The following IQCE variants were observed in gnomAD, a reference collection of about 807,000 sequenced individuals.
IQCE encodes the protein IQ domain-containing protein E.
IQCE carries 115 observed loss-of-function variants against 96.0 expected under a neutral mutation model. That is an observed-to-expected ratio of 1.20 (90% CI 1.03 to 1.40). The LOEUF is 1.40. IQCE is among the 40% of genes most tolerant of loss of function. The probability of loss-of-function intolerance (pLI) is 0.00; values close to 1 mark genes in which losing one functional copy is unlikely to be tolerated. For missense variants in IQCE, 1,041 were observed against 909.1 expected, an observed-to-expected ratio of 1.15 and a Z score of -1.87; for synonymous variants, 412 against 371.2, an observed-to-expected ratio of 1.11 and a Z score of -1.26.
Position 2,567,179 on chromosome 7 carries a change from T to C in IQCE, c.84+16T>C, listed in dbSNP as rs2128431495. 6.2e-7 allele frequency: 1 copy of C among 1,611,396 alleles called. No individual in the cohort carries two copies. Among genetic ancestry groups the C allele is most frequent in the Non-Finnish European group, 8.5e-7 (1 of 1,178,184 alleles). On this transcript the variant is annotated intron_variant, in intron 2 of 21. Coordinates refer to ENST00000402050, the MANE Select transcript of IQCE (RefSeq NM_152558.5). ...TGTGGAGACGGTGAGTGCCGCTGGG[T>C]GTCAGCCGTGCGACCTCGGGCTGGT... is the stretch of plus-strand genomic sequence containing the variant.
At chr7:2,561,251 C>T (rs1311783497) in intron 1 of IQCE, among the ~76,000 whole-genome samples, 1 of 151,474 alleles carries the variant, frequency 6.6e-6, no homozygotes, top group Admixed American at 6.6e-5. Flanking sequence ...AGCCATTGCT[C>T]CCAGCCCTAT....
At chr7:2,607,601 C>T (rs755979568) in intron 21 of IQCE, 52 of 1,157,916 alleles carry the variant, frequency 4.5e-5, no homozygotes, top group African/African-American at 9.6e-5. Flanking sequence ...GTGAAGAAGC[C>T]GCTGGCACTG....
Position 2,601,457 on chromosome 7 carries a change from T to C in IQCE, c.1625T>C (p.Leu542Pro). 2 of 1,580,750 alleles carry C rather than the reference T, an allele frequency of 1.3e-6. No individual in the cohort carries two copies. Among genetic ancestry groups the C allele is most frequent in the Non-Finnish European group, 1.7e-6 (2 of 1,153,234 alleles). ...VYKHKKKKAV[L>P]DEAAVVLQAA... Reference sequence around the variant, plus strand: ...TTTTTCCAGAAAAAAAAGGCTGTTCTGGATGAGGTAAGCGAGGTTTATTTC... The same window carrying C: ...TTTTTCCAGAAAAAAAAGGCTGTTCCGGATGAGGTAAGCGAGGTTTATTTC... Residue 542 changes from leucine to proline, a missense_variant, in exon 18 of 22, where the codon CTG becomes CCG. Physicochemically the swap from Leu to Pro is moderately conservative, Grantham distance 98. Transcript: ENST00000402050.
At chr7:2,607,430 G>A (rs1054388657) in intron 21 of IQCE, 25 of 1,335,866 alleles carry the variant, frequency 1.9e-5, no homozygotes, top group South Asian at 5.7e-5. Flanking sequence ...TGTCCTTTGT[G>A]CCTGGAATTG....
At chr7:2,561,533 G>A (rs1583372872) in intron 1 of IQCE, among the ~76,000 whole-genome samples, 1 of 150,892 alleles carries the variant, frequency 6.6e-6, no homozygotes, top group Non-Finnish European at 1.5e-5. Context: ...GCATTCTCCT[G>A]CCTCAGCCTC....
At chr7:2,585,570 G>A (rs1783035667) in intron 11 of IQCE, among the ~76,000 whole-genome samples, 2 of 152,226 alleles carry the variant, frequency 1.3e-5, no homozygotes, top group East Asian at 1.9e-4. Context: ...GCAAGGCAGC[G>A]TCACGAGCAA....
chr7:2,559,107 A>G lies in IQCE; in HGVS notation c.-75A>G, dbSNP rs554076788. ...GAAGGCCCCGAGGCTGCGGGCGGCC[A>G]GGGCTGCCCGCGGATTCCCAGACCC... On this transcript the variant is annotated 5_prime_UTR_variant, in exon 1 of 22. Coordinates refer to ENST00000402050, the MANE Select transcript of IQCE (RefSeq NM_152558.5). 5.7e-6 allele frequency: 4 copies of G among 707,824 alleles called. No individual in the cohort carries two copies. Among genetic ancestry groups the G allele is most frequent in the African/African-American group, 1.9e-5 (1 of 52,170 alleles). 43.8% of individuals were successfully genotyped at this position (707,824 alleles called of 1,614,324 possible).
At chr7:2,604,786 T>C in intron 18 of IQCE, 95 bp from the exon 19 acceptor site, 1 of 804,566 alleles carries the variant, frequency 1.2e-6, no homozygotes, top group Non-Finnish European at 2.1e-6. Flanking sequence ...CGTTCCCTGC[T>C]GCCGTGGCAG....
intron 11 of IQCE, 71 bp downstream of exon 11, chr7:2,584,356 T>G: frequency 1.4e-6 from 2 of 1,434,344 alleles, no homozygotes; most frequent in Non-Finnish European, 9.8e-7. Context: ...TGAGAATGTG[T>G]GGCTGTCACG....
In IQCE at chr7:2,584,178, A is replaced by G. The variant is rs147209630; in HGVS notation, c.775-58A>G. The G allele has an allele frequency of 2.6e-4, 381 of 1,474,098 alleles. No individual in the cohort carries two copies. The African/African-American group carries it at 4.1e-3, about 16-fold the overall frequency. 91.3% of individuals were successfully genotyped at this position (1,474,098 alleles called of 1,614,324 possible). A position where few individuals can be genotyped will look rare whatever the true frequency, so the allele number is the denominator to read the frequency against. ...AGGACTGTGATGTTGGTCTTTTCAG[A>G]TAAGGTCTTCTCCATGCTAGCCTTG... On this transcript the variant is annotated intron_variant, in intron 10 of 21. Coordinates refer to ENST00000402050, the MANE Select transcript of IQCE (RefSeq NM_152558.5).
intron 21 of IQCE, among the ~76,000 whole-genome samples, chr7:2,609,009 T>G (rs1784995709): frequency 6.6e-6 from 1 of 152,258 alleles, no homozygotes; most frequent in Non-Finnish European, 1.5e-5. Context: ...AAATCTCACA[T>G]GAGCAGTTCA....
At chr7:2,587,566 T>C (rs1246920552) in intron 12 of IQCE, among the ~76,000 whole-genome samples, 1 of 151,960 alleles carries the variant, frequency 6.6e-6, no homozygotes, top group African/African-American at 2.4e-5. Context: ...CCTGGCCAGG[T>C]GGAATCGGGA....
chr7:2,566,717 C>T (rs540818610), intron 1 of IQCE: 88 of 204,608 alleles, frequency 4.3e-4, no homozygotes, highest in Middle Eastern at 2.2e-3. Flanking sequence ...GACTCTCACC[C>T]GTTCTTACCA....
chr7:2,561,939 T>C (rs77450565), intron 1 of IQCE, among the ~76,000 whole-genome samples: 92 of 152,334 alleles, frequency 6.0e-4, no homozygotes, highest in African/African-American at 2.1e-3. Context: ...ATAATTTGAA[T>C]TGAAGTGATG....
chr7:2,565,886 G>A (rs1052939028), intron 1 of IQCE, among the ~76,000 whole-genome samples: 1 of 152,136 alleles, frequency 6.6e-6, no homozygotes, highest in Non-Finnish European at 1.5e-5. Flanking sequence ...CCCTCGAAAT[G>A]CAGTCACATT....
intron 6 of IQCE, among the ~76,000 whole-genome samples, chr7:2,574,625 T>A (rs1204085666): frequency 6.6e-6 from 1 of 152,184 alleles, no homozygotes; most frequent in Non-Finnish European, 1.5e-5. Context: ...GGGGATTATC[T>A]CGTTTGGGAT....
rs779599296 is a variant in IQCE, at chr7:2,582,583, A to G, written c.634A>G (p.Ile212Val). The change falls in exon 9 of 22, where the codon ATT (isoleucine) becomes GTT (valine). Residue 212 changes from isoleucine (I) to valine (V), a missense_variant. Coordinates refer to ENST00000402050, the MANE Select transcript of IQCE (RefSeq NM_152558.5). The stretch of plus-strand genomic sequence containing the variant: ...GATGGGCACGTTCCCCGGGCAGGTC[A>G]TTAACGGGCTGAAGCAGAGGATCCT... ...AEKRPDASWV[I>V]NGLKQRILKL... 3 of 1,613,916 alleles carry G rather than the reference A, an allele frequency of 1.9e-6. No individual in the cohort carries two copies. The highest frequency in any genetic ancestry group is 1.3e-5 in the African/African-American group (1 of 74,932).
chr7:2,574,553 G>A (rs1781982626), intron 6 of IQCE, among the ~76,000 whole-genome samples: 1 of 152,216 alleles, frequency 6.6e-6, no homozygotes, highest in African/African-American at 2.4e-5. Context: ...TGTCGGGGAT[G>A]TTACAGAGGG....
At chr7:2,585,674 G>T (rs573589275) in intron 11 of IQCE, among the ~76,000 whole-genome samples, 2 of 152,344 alleles carry the variant, frequency 1.3e-5, no homozygotes, top group African/African-American at 4.8e-5. Context: ...AGCACCACCT[G>T]GGTCAGCCCC....
Sources: gnomAD v4.1 joint callset for allele counts (sites outside exome capture counted in the v4.1 genomes callset) on GRCh38, gnomAD v4.1.1 for gene constraint, MANE v1.5 for transcripts, NCBI Gene and HGNC (gene_info 2026-07-23, HGNC 2026-07-21) for gene names.